DIAPH1: variants seen among roughly 807,000 people sequenced by gnomAD.
DIAPH1 encodes the protein diaphanous related formin 1, also known as protein diaphanous homolog 1.
DIAPH1 carries 46 observed loss-of-function variants against 140.7 expected under a neutral mutation model. The observed-to-expected ratio is 0.33, with a 90% confidence interval of 0.26 to 0.42. DIAPH1 has a LOEUF of 0.42. DIAPH1 is among the 10% of genes least tolerant of loss of function. The pLI is 1.00. For missense variants in DIAPH1, 1,310 were observed against 1,558.7 expected (o/e 0.84, Z 2.69); for synonymous variants, 565 against 551.6 (o/e 1.02, Z -0.34).
intron 27 of DIAPH1, among the ~76,000 whole-genome samples, chr5:141,517,837 G>A (rs1018793118): frequency 3.9e-5 from 6 of 152,104 alleles, no homozygotes; most frequent in Non-Finnish European, 5.9e-5. Context: ...ATCAATCCAC[G>A]AGTTTCTGTT....
chr5:141,609,911 T>C (rs1483568393), intron 1 of DIAPH1, among the ~76,000 whole-genome samples: 2 of 152,060 alleles, frequency 1.3e-5, no homozygotes, highest in African/African-American at 2.4e-5. Flanking sequence ...TGACCACAGG[T>C]GACAATTTAT....
At chr5:141,564,249 C>T (rs563766552) in intron 18 of DIAPH1, 1 of 152,214 alleles carries the variant, frequency 6.6e-6, no homozygotes, top group Non-Finnish European at 1.5e-5. Flanking sequence ...AACTGCTGAT[C>T]AGTCCTCCAA....
intron 1 of DIAPH1, among the ~76,000 whole-genome samples, chr5:141,609,122 T>G (rs573356436): frequency 6.6e-6 from 1 of 151,190 alleles, no homozygotes; most frequent in African/African-American, 2.4e-5. Flanking sequence ...TAAAAAAGGT[T>G]TAATTAAGAT....
chr5:141,582,641 T>C (rs2099896944), intron 6 of DIAPH1, among the ~76,000 whole-genome samples: 2 of 152,206 alleles, frequency 1.3e-5, no homozygotes, highest in Admixed American at 6.5e-5. Flanking sequence ...GGCTCCTAAA[T>C]GCTAAATTCT....
rs1455624485 is a variant in DIAPH1 at position 141,526,547 on chromosome 5, T to TG, written c.3274-87dup. 4.6e-6 allele frequency: 7 copies of TG among 1,537,836 alleles called. No homozygotes were observed. The African/African-American group carries it at 9.5e-5, about 21-fold the overall frequency. ...CAAGGAATTACTCAAAGATGAGTAC[T>TG]GGCATGCAAAGGGATGTTCAATACA... On this transcript the variant is annotated intron_variant, in intron 24 of 27. Transcript: ENST00000389054.
At position 141,618,787 on chromosome 5, in the gene DIAPH1, G is replaced by T; in HGVS notation, c.117+11C>A. 1.3e-6 allele frequency: 2 copies of T among 1,538,414 alleles called. No homozygotes were observed. The highest frequency in any genetic ancestry group is 1.8e-6 in the Non-Finnish European group (2 of 1,133,640). On this transcript the variant is annotated intron_variant, in intron 1 of 27. Coordinates refer to ENST00000389054, the MANE Select transcript of DIAPH1 (RefSeq NM_005219.5). ...GGGGCCAGGCAGGAGCGGGATGGGA[G>T]GGACACTCACAAATTTCTTAGATTT... is the stretch of plus-strand genomic sequence containing the variant.
At chr5:141,550,230 G>A (rs2154595607) in intron 18 of DIAPH1, among the ~76,000 whole-genome samples, 1 of 152,032 alleles carries the variant, frequency 6.6e-6, no homozygotes, top group Non-Finnish European at 1.5e-5. Context: ...GATAAATAAA[G>A]CACCAAAAAT....
chr5:141,567,125 T>C (rs980523503), intron 18 of DIAPH1, among the ~76,000 whole-genome samples: 2 of 152,000 alleles, frequency 1.3e-5, no homozygotes, highest in African/African-American at 4.8e-5. Flanking sequence ...CTATGGGAGA[T>C]GAAGGATGAC....
intron 18 of DIAPH1, among the ~76,000 whole-genome samples, chr5:141,547,363 G>A (rs1182533598): frequency 6.6e-6 from 1 of 152,174 alleles, no homozygotes; most frequent in Non-Finnish European, 1.5e-5. Context: ...TACTCGGGAG[G>A]CTGAGGCAGG....
At chr5:141,548,605 T>A (rs903863341) in intron 18 of DIAPH1, among the ~76,000 whole-genome samples, 4 of 152,120 alleles carry the variant, frequency 2.6e-5, no homozygotes, top group Admixed American at 1.3e-4. Context: ...TGTTCCAGCC[T>A]GGGCAATAAG....
intron 18 of DIAPH1, among the ~76,000 whole-genome samples, chr5:141,542,648 A>C (rs1276909720): frequency 1.3e-5 from 2 of 152,224 alleles, no homozygotes; most frequent in Admixed American, 6.5e-5. Flanking sequence ...CAGAAGAGGT[A>C]AATCTATAGA....
At chr5:141,582,512 A>G in intron 6 of DIAPH1, 137 bp from the exon 7 acceptor site, 1 of 683,534 alleles carries the variant, frequency 1.5e-6, no homozygotes, top group Non-Finnish European at 2.7e-6. Context: ...CACCTTGCCC[A>G]GAACCACTGA....
intron 15 of DIAPH1, 119 bp from the exon 16 acceptor site, chr5:141,574,327 AG>A: frequency 1.0e-6 from 1 of 1,004,294 alleles, no homozygotes; most frequent in Non-Finnish European, 1.5e-6. Context: ...AGGAACTGAG[AG>A]GAGTCAGAGA....
At chr5:141,544,757 G>A (rs1395423828) in intron 18 of DIAPH1, among the ~76,000 whole-genome samples, 1 of 152,226 alleles carries the variant, frequency 6.6e-6, no homozygotes, top group Non-Finnish European at 1.5e-5. Context: ...TGGTGAGGAT[G>A]CAAAGCATTT....
At position 141,526,611 on chromosome 5, in the gene DIAPH1, A is replaced by G. The variant is rs2099887367; in HGVS notation, c.3274-150T>C. 8 of 830,932 alleles carry G rather than the reference A, an allele frequency of 9.6e-6. 1 individual carries two copies. The South Asian group carries it at 1.1e-4, about 12-fold the overall frequency. 51.5% of individuals were successfully genotyped at this position (830,932 alleles called of 1,614,324 possible). A position where few individuals can be genotyped will look rare whatever the true frequency, so the allele number is the denominator to read the frequency against. On this transcript the variant is annotated intron_variant, in intron 24 of 27. Transcript: ENST00000389054. ...CAGCAAAAACCAAAGCCATGTAGGTACCCCTAAATAGGGGAATAGTAAACC... is the reference window on the plus strand; with the variant it reads ...CAGCAAAAACCAAAGCCATGTAGGTGCCCCTAAATAGGGGAATAGTAAACC...
Position 141,587,296 on chromosome 5 carries a change from G to A in DIAPH1, c.145-99C>T, listed in dbSNP as rs541667899. 3.6e-5 allele frequency: 44 copies of A among 1,220,374 alleles called. No homozygotes were observed. The East Asian group carries it at 1.1e-3, about 29-fold the overall frequency. The allele number at this position is 1,220,374 out of a possible 1,614,324, so 75.6% of individuals were successfully genotyped here. On this transcript the variant is annotated intron_variant, in intron 2 of 27. Transcript: ENST00000389054. ...CCCTTTAACCTCTTACACAGGCATG[G>A]TTCCTCTGGTTCACAAGCAGTTCAA...
intron 1 of DIAPH1, among the ~76,000 whole-genome samples, chr5:141,609,503 C>G (rs1199606915): frequency 6.6e-6 from 1 of 152,196 alleles, no homozygotes; most frequent in Non-Finnish European, 1.5e-5. Context: ...TTCAAGCAGG[C>G]TGCTTGATCT....
chr5:141,522,642 G>C (rs1390185940), intron 27 of DIAPH1, among the ~76,000 whole-genome samples: 3 of 150,662 alleles, frequency 2.0e-5, no homozygotes, highest in Non-Finnish European at 4.4e-5. Flanking sequence ...AATGCTTAAT[G>C]TTAAGGCCAC....
At chr5:141,561,338 T>A (rs751490747) in intron 18 of DIAPH1, among the ~76,000 whole-genome samples, 16 of 151,850 alleles carry the variant, frequency 1.1e-4, no homozygotes, top group Non-Finnish European at 2.1e-4. Flanking sequence ...CCTTGTCCAA[T>A]GGTACTTAGA....
Sources: allele counts gnomAD v4.1 joint callset (sites outside exome capture counted in the v4.1 genomes callset), GRCh38; gene constraint gnomAD v4.1.1; transcripts MANE v1.5; gene names NCBI Gene and HGNC (gene_info 2026-07-23, HGNC 2026-07-21).